Variants in UVRAG observed in about 807,000 individuals in gnomAD.
The protein encoded by UVRAG is UV radiation resistance-associated gene protein.
A neutral mutation model predicts 78.0 loss-of-function variants in UVRAG; 19 were observed. The ratio of observed to expected loss-of-function variants is 0.24; its 90% CI spans 0.17 to 0.36. The LOEUF is 0.36. Ranked by LOEUF, UVRAG falls within the 10% of genes least tolerant of loss-of-function variation. The probability of loss-of-function intolerance (pLI) is 1.00; values close to 1 mark genes in which losing one functional copy is unlikely to be tolerated. For synonymous variants in UVRAG, 323 were observed against 324.6 expected (o/e 1.00, Z 0.05); for missense variants, 740 against 853.8 (o/e 0.87, Z 1.66).
At chr11:76,074,526 C>T (rs1244585371) in intron 13 of UVRAG, among the ~76,000 whole-genome samples, 1 of 152,100 alleles carries the variant, frequency 6.6e-6, no homozygotes, top group Non-Finnish European at 1.5e-5. Flanking sequence ...TGATGATTTA[C>T]ATTTGTATAG....
In UVRAG at chr11:75,861,730, T is replaced by G. The variant is rs771580330; in HGVS notation, c.236-16T>G. Reference sequence around the variant, plus strand: ...TTCTTTCATATCACTTATTGTTCTTTTTTCTTCTTTTCCAGAATTTTATAG... The same window carrying G: ...TTCTTTCATATCACTTATTGTTCTTGTTTCTTCTTTTCCAGAATTTTATAG... On this transcript the variant is annotated splice_polypyrimidine_tract_variant and intron_variant, in intron 2 of 14. Coordinates refer to ENST00000356136, the MANE Select transcript of UVRAG (RefSeq NM_003369.4). 1 of 1,589,162 alleles carries G rather than the reference T, an allele frequency of 6.3e-7. No homozygotes were observed. Among genetic ancestry groups the G allele is most frequent in the South Asian group, 1.1e-5 (1 of 89,128 alleles).
At chr11:75,828,899 T>G (rs1298891643) in intron 1 of UVRAG, among the ~76,000 whole-genome samples, 1 of 151,090 alleles carries the variant, frequency 6.6e-6, no homozygotes, top group Non-Finnish European at 1.5e-5. Flanking sequence ...GTAGTTTTTT[T>G]TGGTAGAGAT....
At chr11:76,018,315 GTTTC>G (rs1242089306) in intron 12 of UVRAG, among the ~76,000 whole-genome samples, 1 of 149,508 alleles carries the variant, frequency 6.7e-6, no homozygotes, top group South Asian at 2.1e-4. Flanking sequence ...TATGTTACTT[GTTTC>G]TTTAAAAAAA....
intron 14 of UVRAG, among the ~76,000 whole-genome samples, chr11:76,131,543 T>A (rs1450142372): frequency 6.6e-6 from 1 of 152,242 alleles, no homozygotes; most frequent in Non-Finnish European, 1.5e-5. Flanking sequence ...AAGGCTGCCT[T>A]GTTCAGTTAT....
At chr11:75,938,287 CTG>C (rs2135128646) in intron 6 of UVRAG, among the ~76,000 whole-genome samples, 1 of 152,216 alleles carries the variant, frequency 6.6e-6, no homozygotes, top group South Asian at 2.1e-4. Flanking sequence ...GTTGTAATAA[CTG>C]TTTTAATGGC....
intron 13 of UVRAG, among the ~76,000 whole-genome samples, chr11:76,088,817 A>G (rs1951641424): frequency 1.3e-5 from 2 of 152,120 alleles, no homozygotes; most frequent in Admixed American, 1.3e-4. Context: ...CCCATCTTCT[A>G]TTCTTCCTGC....
At chr11:76,031,884 TTATTTATCA>T (rs756906553) in intron 12 of UVRAG, among the ~76,000 whole-genome samples, 6 of 152,212 alleles carry the variant, frequency 3.9e-5, no homozygotes, top group Non-Finnish European at 8.8e-5. Context: ...CAGTCCATTA[TTATTTATCA>T]TAGGACAGCA....
Position 75,922,165 on chromosome 11 carries a change from T to C in UVRAG, c.593+10126T>C, listed in dbSNP as rs1046996548. Among the ~76,000 whole-genome samples the C allele has an allele frequency of 2.0e-5, 3 of 152,270 alleles. No homozygotes were observed. In the East Asian group the frequency reaches 5.8e-4, roughly 29 times the overall value. Reference sequence around the variant, plus strand: ...TGGGAAAGATGTCATTTTATATTAGTATACCCATCCAAGAACATGGTGTCT... The same window carrying C: ...TGGGAAAGATGTCATTTTATATTAGCATACCCATCCAAGAACATGGTGTCT... On this transcript the variant is annotated intron_variant, in intron 6 of 14. Coordinates refer to ENST00000356136, the MANE Select transcript of UVRAG (RefSeq NM_003369.4).
chr11:75,828,560 C>T (rs1413236285), intron 1 of UVRAG, among the ~76,000 whole-genome samples: 2 of 151,112 alleles, frequency 1.3e-5, no homozygotes, highest in Non-Finnish European at 2.9e-5. Flanking sequence ...CACCTGCAAT[C>T]TTGACCTCCC....
At chr11:76,074,502 T>C (rs571525557) in intron 13 of UVRAG, among the ~76,000 whole-genome samples, 1 of 152,340 alleles carries the variant, frequency 6.6e-6, no homozygotes, top group African/African-American at 2.4e-5. Flanking sequence ...GAGGGTATAT[T>C]GTACAAATAA....
At chr11:75,855,509 C>T (rs1399811172) in intron 2 of UVRAG, among the ~76,000 whole-genome samples, 2 of 152,170 alleles carry the variant, frequency 1.3e-5, no homozygotes, top group Non-Finnish European at 2.9e-5. Context: ...TTTTAACTAC[C>T]ATAGGAGGAG....
chr11:75,994,566 C>T (rs560954683), intron 8 of UVRAG, among the ~76,000 whole-genome samples: 2 of 152,296 alleles, frequency 1.3e-5, no homozygotes, highest in South Asian at 4.1e-4. Flanking sequence ...AATCCTGTAA[C>T]ATGCCAGATA....
intron 1 of UVRAG, among the ~76,000 whole-genome samples, chr11:75,820,965 A>G (rs1945372779): frequency 6.6e-6 from 1 of 152,214 alleles, no homozygotes. Context: ...TGCTGTTTAA[A>G]TAATTTTTAA....
At chr11:75,951,830 T>C (rs1347274576) in intron 6 of UVRAG, among the ~76,000 whole-genome samples, 6 of 152,208 alleles carry the variant, frequency 3.9e-5, no homozygotes, top group Admixed American at 3.9e-4. Flanking sequence ...TTCTAGGTCT[T>C]TTGTATTTGC....
intron 10 of UVRAG, among the ~76,000 whole-genome samples, chr11:76,008,464 A>G (rs1049532593): frequency 3.3e-5 from 5 of 152,196 alleles, no homozygotes; most frequent in Admixed American, 1.3e-4. Context: ...TTAAAAGACT[A>G]ATTTTCAGAG....
rs994855224 is a variant in UVRAG at position 75,815,310 on chromosome 11, G to A, written c.-98G>A. On this transcript the variant is annotated 5_prime_UTR_variant, in exon 1 of 15. Transcript: ENST00000356136. ...GAGCAGTAGTGCCTCTCGGGTGGCGGGTTTCTAGGCTGCAGGGGCTTGGTA... is the reference window on the plus strand; with the variant it reads ...GAGCAGTAGTGCCTCTCGGGTGGCGAGTTTCTAGGCTGCAGGGGCTTGGTA... 1.6e-6 allele frequency: 1 copy of A among 621,832 alleles called. No individual in the cohort carries two copies. Among genetic ancestry groups the A allele is most frequent in the African/African-American group, 1.9e-5 (1 of 52,628 alleles). The allele number at this position is 621,832 out of a possible 1,614,324, so 38.5% of individuals were successfully genotyped here.
intron 1 of UVRAG, among the ~76,000 whole-genome samples, chr11:75,832,515 G>A (rs1164478935): frequency 1.3e-5 from 2 of 152,214 alleles, no homozygotes; most frequent in Non-Finnish European, 2.9e-5. Flanking sequence ...TGGGGGAAGG[G>A]ACGTGGAGCT....
intron 1 of UVRAG, among the ~76,000 whole-genome samples, chr11:75,843,352 A>C (rs112035479): frequency 6.6e-6 from 1 of 152,312 alleles, no homozygotes; most frequent in South Asian, 2.1e-4. Context: ...TTATCTTGCC[A>C]CTAAGTTAGA....
At chr11:75,824,308 C>T (rs1190723207) in intron 1 of UVRAG, among the ~76,000 whole-genome samples, 2 of 151,878 alleles carry the variant, frequency 1.3e-5, no homozygotes, top group Non-Finnish European at 2.9e-5. Flanking sequence ...AAGATATCAG[C>T]ATCTTGAAAT....
Sources: allele counts gnomAD v4.1 joint callset (sites outside exome capture counted in the v4.1 genomes callset), GRCh38; gene constraint gnomAD v4.1.1; transcripts MANE v1.5; gene names NCBI Gene and HGNC (gene_info 2026-07-23, HGNC 2026-07-21).